The following NEO1 variants were observed in gnomAD, a reference collection of about 807,000 sequenced individuals.
NEO1 encodes the protein neogenin.
A neutral mutation model predicts 159.7 loss-of-function variants in NEO1; 63 were observed. The observed-to-expected ratio is 0.39, with a 90% CI of 0.32 to 0.49. The LOEUF (loss-of-function observed/expected upper bound fraction) is 0.49. NEO1 is among the 20% of genes least tolerant of loss of function. The pLI is 0.85. For missense variants in NEO1, 1,615 were observed against 1,831.0 expected (o/e 0.88, Z 2.15); for synonymous variants, 633 against 662.0 (o/e 0.96, Z 0.67).
intron 27 of NEO1, among the ~76,000 whole-genome samples, chr15:73,299,153 A>G (rs2042502572): frequency 1.3e-5 from 2 of 152,108 alleles, no homozygotes; most frequent in South Asian, 4.1e-4. Flanking sequence ...TTACCTATTC[A>G]TTTGCTTTAG....
chr15:73,223,125 T>C (rs1162912927), intron 7 of NEO1, among the ~76,000 whole-genome samples: 1 of 152,214 alleles, frequency 6.6e-6, no homozygotes, highest in Non-Finnish European at 1.5e-5. Context: ...TGAAGTTGAT[T>C]TCCAGTTTTA....
intron 3 of NEO1, among the ~76,000 whole-genome samples, chr15:73,125,456 G>C (rs2030073646): frequency 6.6e-6 from 1 of 152,182 alleles, no homozygotes; most frequent in African/African-American, 2.4e-5. Context: ...TAATCGATTA[G>C]GCAATGTTTC....
chr15:73,110,706 A>G (rs1299993563), intron 1 of NEO1, among the ~76,000 whole-genome samples: 3 of 152,206 alleles, frequency 2.0e-5, no homozygotes, highest in Non-Finnish European at 4.4e-5. Context: ...TTGGGAATGT[A>G]GAAGATATTA....
chr15:73,254,484 A>T (rs2040240330), intron 12 of NEO1, among the ~76,000 whole-genome samples, 198 bp from the exon 13 acceptor site: 1 of 152,132 alleles, frequency 6.6e-6, no homozygotes, highest in South Asian at 2.1e-4. Flanking sequence ...CGAATATATA[A>T]TCTTCCCATT....
chr15:73,075,430 T>C (rs2068723716), intron 1 of NEO1, among the ~76,000 whole-genome samples: 1 of 152,206 alleles, frequency 6.6e-6, no homozygotes, highest in Non-Finnish European at 1.5e-5. Context: ...AAGCAGTATA[T>C]GATTAAATGC....
At chr15:73,265,266 T>A (rs1321397862) in intron 15 of NEO1, among the ~76,000 whole-genome samples, 3 of 152,180 alleles carry the variant, frequency 2.0e-5, no homozygotes, top group Non-Finnish European at 4.4e-5. Flanking sequence ...GGTTTCTGGC[T>A]TGAGCAGCAG....
chr15:73,073,914 T>C (rs2068651387), intron 1 of NEO1, among the ~76,000 whole-genome samples: 1 of 152,192 alleles, frequency 6.6e-6, no homozygotes, highest in African/African-American at 2.4e-5. Flanking sequence ...AGATTGTAGA[T>C]TCCCAGTAAG....
chr15:73,140,506 C>T (rs894291627), intron 5 of NEO1, among the ~76,000 whole-genome samples: 26 of 152,066 alleles, frequency 1.7e-4, no homozygotes, highest in African/African-American at 5.1e-4. Context: ...CAGTGAACTA[C>T]GATTGTGCCG....
chr15:73,183,305 G>A (rs2035726200), intron 7 of NEO1, among the ~76,000 whole-genome samples: 1 of 151,996 alleles, frequency 6.6e-6, no homozygotes, highest in Admixed American at 6.6e-5. Flanking sequence ...AGTGGGGGAG[G>A]GGCAGAAAAC....
intron 1 of NEO1, among the ~76,000 whole-genome samples, chr15:73,116,162 A>G (rs933483098): frequency 6.6e-6 from 1 of 152,180 alleles, no homozygotes; most frequent in African/African-American, 2.4e-5. Context: ...GATACCTCTT[A>G]AGAATCATTT....
intron 7 of NEO1, among the ~76,000 whole-genome samples, chr15:73,180,898 A>AT (rs2035571572): frequency 6.6e-6 from 1 of 152,200 alleles, no homozygotes; most frequent in Non-Finnish European, 1.5e-5. Flanking sequence ...TGCAAGATAA[A>AT]TATTTATACA....
chr15:73,284,912 CTAT>C (rs1431840586), intron 23 of NEO1, among the ~76,000 whole-genome samples: 1 of 152,020 alleles, frequency 6.6e-6, no homozygotes, highest in Non-Finnish European at 1.5e-5. Context: ...TAGTGGAAAA[CTAT>C]TATTTTTAAA....
chr15:73,166,157 C>G (rs1441956937), intron 5 of NEO1, among the ~76,000 whole-genome samples: 1 of 152,120 alleles, frequency 6.6e-6, no homozygotes, highest in Non-Finnish European at 1.5e-5. Flanking sequence ...TACTGTGATA[C>G]CACCCCCATA....
In NEO1 at chr15:73,110,100, A is replaced by G. The variant is rs573852622; in HGVS notation, c.131-6440A>G. 1.7e-3 allele frequency among the ~76,000 whole-genome samples: 257 copies of G among 152,344 alleles called. 2 individuals are homozygous for G. The highest frequency in any genetic ancestry group is 5.9e-3 in the African/African-American group (247 of 41,586). On this transcript the variant is annotated intron_variant, in intron 1 of 28. Transcript: ENST00000261908. ...TTCTAATTTTCTAAGGTAGTTGAGA[A>G]TTTGAAGCAAGATAGTCTGAACCGC...
intron 1 of NEO1, among the ~76,000 whole-genome samples, chr15:73,102,930 G>A (rs1376768964): frequency 6.6e-6 from 1 of 152,112 alleles, no homozygotes; most frequent in Non-Finnish European, 1.5e-5. Flanking sequence ...CTCAGTGACT[G>A]GCACCATTTA....
chr15:73,184,364 TA>T (rs1291580509), intron 7 of NEO1, among the ~76,000 whole-genome samples: 1 of 152,070 alleles, frequency 6.6e-6, no homozygotes, highest in African/African-American at 2.4e-5. Flanking sequence ...TATATACCTT[TA>T]TTTTTAAAAT....
At chr15:73,300,605 C>G (rs1227790967) in intron 27 of NEO1, among the ~76,000 whole-genome samples, 1 of 152,170 alleles carries the variant, frequency 6.6e-6, no homozygotes, top group African/African-American at 2.4e-5. Flanking sequence ...GTAGCAGACA[C>G]CTGTAATCCC....
At chr15:73,142,548 C>T (rs1281255475) in intron 5 of NEO1, among the ~76,000 whole-genome samples, 2 of 152,018 alleles carry the variant, frequency 1.3e-5, no homozygotes, top group African/African-American at 2.4e-5. Flanking sequence ...CAGAGGTCCC[C>T]GCTGGCCCAG....
At chr15:73,288,620 T>TC in intron 24 of NEO1, 69 bp downstream of exon 24, 4 of 1,338,648 alleles carry the variant, frequency 3.0e-6, no homozygotes, top group Non-Finnish European at 3.2e-6. Flanking sequence ...TTTTTTTTTT[T>TC]CCCTGAGTTT....
Sources: allele counts gnomAD v4.1 joint callset (sites outside exome capture counted in the v4.1 genomes callset), GRCh38; gene constraint gnomAD v4.1.1; transcripts MANE v1.5; gene names NCBI Gene and HGNC (gene_info 2026-07-23, HGNC 2026-07-21).